The following NOC3L variants were observed in gnomAD, a reference collection of about 807,000 sequenced individuals.
NOC3L encodes the protein NOC3 like DNA replication regulator, also known as nucleolar complex protein 3 homolog.
In NOC3L, 85 loss-of-function variants were observed where a neutral mutation model predicts 102.5. That is an observed-to-expected ratio of 0.83 (90% CI 0.70 to 0.99). NOC3L has a LOEUF of 0.99. Among genes scored for constraint, NOC3L ranks in the 50% least tolerant of loss-of-function variants. The probability of loss-of-function intolerance (pLI) is 0.00; values close to 1 mark genes in which losing one functional copy is unlikely to be tolerated. For synonymous variants in NOC3L, 303 were observed against 309.4 expected (o/e 0.98, Z 0.22); for missense variants, 878 against 914.9 (o/e 0.96, Z 0.52).
intron 11 of NOC3L, among the ~76,000 whole-genome samples, chr10:94,345,197 C>T (rs2054329454): frequency 6.6e-6 from 1 of 151,148 alleles, no homozygotes; most frequent in Non-Finnish European, 1.5e-5. Flanking sequence ...CTTTCTTTTC[C>T]AGGAAAAAAA....
At chr10:94,362,453 A>C (rs2054562427) in intron 1 of NOC3L, among the ~76,000 whole-genome samples, 1 of 152,128 alleles carries the variant, frequency 6.6e-6, no homozygotes, top group Non-Finnish European at 1.5e-5. Flanking sequence ...TTTCTGGGAG[A>C]ACCAGGACAA....
intron 19 of NOC3L, among the ~76,000 whole-genome samples, chr10:94,334,922 G>A (rs751181174): frequency 8.5e-5 from 13 of 152,178 alleles, no homozygotes; most frequent in Non-Finnish European, 1.9e-4. Context: ...CCTCAGAGAG[G>A]TTTGGTATAC....
intron 1 of NOC3L, chr10:94,362,101 C>T (rs1296300649): frequency 6.8e-6 from 4 of 584,110 alleles, no homozygotes; most frequent in Non-Finnish European, 1.2e-5. Flanking sequence ...TTCTACGATC[C>T]CCAAACAGGT....
At chr10:94,319,862 C>CTTT in the NOC3L span, among the ~76,000 whole-genome samples, 1 of 86,198 alleles carries the variant, frequency 1.2e-5, no homozygotes. Context: ...CTCAAAGGTG[C>CTTT]TCTTTTTTTT....
At chr10:94,325,363 C>T in the NOC3L span, 1 of 381,262 alleles carries the variant, frequency 2.6e-6, no homozygotes, top group Non-Finnish European at 5.0e-6. Context: ...CTTTGGGAGG[C>T]CAAGGCAGGC....
At position 94,349,561 on chromosome 10, in the gene NOC3L, T is replaced by C. The variant is rs115768623; in HGVS notation, c.1129-183A>G. Among the ~76,000 whole-genome samples, 1,077 of 152,270 alleles carry C rather than the reference T, an allele frequency of 7.1e-3. 10 individuals carry two copies. Among genetic ancestry groups the C allele is most frequent in the African/African-American group, 0.025 (1,018 of 41,550 alleles). On this transcript the variant is annotated intron_variant, in intron 9 of 20. Transcript: ENST00000371361. ...CCACCACAGTCATCACAATCAAAAA[T>C]GTATGCCGACATTGCCTAATGTTCC...
intron 17 of NOC3L, among the ~76,000 whole-genome samples, chr10:94,339,339 TAAAC>T (rs1564909463): frequency 7.2e-6 from 1 of 139,686 alleles, no homozygotes; most frequent in Non-Finnish European, 1.6e-5. Flanking sequence ...AAGAATTAAA[TAAAC>T]CTTACATAAA....
the NOC3L span, chr10:94,324,502 T>A: frequency 5.6e-6 from 9 of 1,614,148 alleles, no homozygotes; most frequent in South Asian, 8.8e-5. Flanking sequence ...GGAGTGTGTG[T>A]TTCAAGCCCA....
chr10:94,348,155 A>G (rs1025807318), intron 10 of NOC3L, among the ~76,000 whole-genome samples: 4 of 149,476 alleles, frequency 2.7e-5, no homozygotes, highest in African/African-American at 7.3e-5. Flanking sequence ...ATTAAACTAT[A>G]TAAAATATAT....
the NOC3L span, chr10:94,324,473 A>G: frequency 6.2e-7 from 1 of 1,613,990 alleles, no homozygotes; most frequent in East Asian, 2.2e-5. Context: ...AAGTCCTCTC[A>G]GCGGGTCCTT....
intron 8 of NOC3L, among the ~76,000 whole-genome samples, chr10:94,351,691 AT>A (rs72378230): frequency 0.019 from 2,684 of 139,902 alleles, 19 homozygotes; most frequent in Middle Eastern, 0.044. Context: ...ATCATGCCTA[AT>A]TTTTTTTTTT....
intron 2 of NOC3L, among the ~76,000 whole-genome samples, chr10:94,359,965 T>C (rs2054533907): frequency 6.6e-6 from 1 of 152,206 alleles, no homozygotes; most frequent in Admixed American, 6.5e-5. Context: ...CATTCAGCAC[T>C]ATCCACAAGA....
At chr10:94,353,136 G>T in intron 6 of NOC3L, 79 bp from the exon 7 acceptor site, 1 of 1,173,280 alleles carries the variant, frequency 8.5e-7, no homozygotes, top group Non-Finnish European at 1.2e-6. Flanking sequence ...CCCACATCCG[G>T]CAAAACAAGC....
chr10:94,324,928 G>A, the NOC3L span: 39 of 1,614,108 alleles, frequency 2.4e-5, no homozygotes, highest in African/African-American at 8.0e-5. Context: ...CATTTCTTTC[G>A]CAAGTGAACT....
chr10:94,329,776 C>CAAAAAAAAAAAAAAAAA (rs71031569), downstream of NOC3L: 6 of 37,950 alleles, frequency 1.6e-4, no homozygotes, highest in Non-Finnish European at 2.7e-4. Flanking sequence ...GACTCCGTCT[C>CAAAAAAAAAAAAAAAAA]AAAAAAAAAA....
At position 94,352,836 on chromosome 10, in the gene NOC3L, T is replaced by C. The variant is rs113594960; in HGVS notation, c.858+60A>G. On this transcript the variant is annotated intron_variant, in intron 7 of 20. Coordinates refer to ENST00000371361, the MANE Select transcript of NOC3L (RefSeq NM_022451.11). ...AACTCTGCCTCAAAAAAAAAAAGTC[T>C]ATCTCTCCAAAATGTTTAGTTATTT... 31 of 1,472,626 alleles carry C rather than the reference T, an allele frequency of 2.1e-5. No individual in the cohort carries two copies. The African/African-American group carries it at 3.6e-4, about 17-fold the overall frequency. 91.2% of individuals were successfully genotyped at this position (1,472,626 alleles called of 1,614,324 possible). A position where few individuals can be genotyped will look rare whatever the true frequency, so the allele number is the denominator to read the frequency against.
chr10:94,319,933 G>A, the NOC3L span, among the ~76,000 whole-genome samples: 5 of 143,746 alleles, frequency 3.5e-5, no homozygotes, highest in African/African-American at 5.2e-5. Flanking sequence ...GCAGTGGCGC[G>A]ATCTCAGCTC....
chr10:94,346,323 A>G, intron 11 of NOC3L, 102 bp downstream of exon 11: 1 of 877,128 alleles, frequency 1.1e-6, no homozygotes, highest in Non-Finnish European at 1.6e-6. Flanking sequence ...CAAAACTTTT[A>G]TGTTTATGAT....
intron 9 of NOC3L, 50 bp downstream of exon 9, chr10:94,350,063 G>T (rs1275782679): frequency 1.1e-5 from 18 of 1,579,398 alleles, no homozygotes; most frequent in Non-Finnish European, 1.4e-5. Context: ...TGGCCCACAT[G>T]GTGTATAATT....
Sources: gnomAD v4.1 joint callset for allele counts (sites outside exome capture counted in the v4.1 genomes callset) on GRCh38, gnomAD v4.1.1 for gene constraint, MANE v1.5 for transcripts, NCBI Gene and HGNC (gene_info 2026-07-23, HGNC 2026-07-21) for gene names.